The following TSPAN9 variants were observed in gnomAD, a reference collection of about 807,000 sequenced individuals.
TSPAN9 encodes tetraspanin 9.
In TSPAN9, 16 loss-of-function variants were observed where a neutral mutation model predicts 31.0. That is an observed-to-expected ratio of 0.52 (90% CI 0.35 to 0.78). TSPAN9 has a LOEUF of 0.78. Ranked by LOEUF, TSPAN9 falls within the 30% of genes least tolerant of loss-of-function variation. TSPAN9 has a pLI of 0.01. For synonymous variants in TSPAN9, 145 were observed against 121.6 expected, an observed-to-expected ratio of 1.19 and a Z score of -1.27; for missense variants, 272 against 312.5, an observed-to-expected ratio of 0.87 and a Z score of 0.98.
intron 2 of TSPAN9, among the ~76,000 whole-genome samples, chr12:3,177,497 A>G (rs1041616380): frequency 2.0e-5 from 3 of 151,988 alleles, no homozygotes; most frequent in East Asian, 1.9e-4. Context: ...CAGTGGCTCA[A>G]TCTTGGCTCA....
At chr12:3,225,604 A>T (rs1467577551) in intron 3 of TSPAN9, among the ~76,000 whole-genome samples, 1 of 152,018 alleles carries the variant, frequency 6.6e-6, no homozygotes, top group African/African-American at 2.4e-5. Flanking sequence ...TGGGAAGATG[A>T]GCAATGTACC....
rs1216919724 is a variant in TSPAN9, at chr12:3,198,772, C to T, written c.-17-2405C>T. 1.3e-3 allele frequency among the ~76,000 whole-genome samples: 93 copies of T among 71,800 alleles called. 5 individuals carry two copies. Among genetic ancestry groups the T allele is most frequent in the Middle Eastern group, 8.9e-3 (1 of 112 alleles). The allele number at this position is 71,800 out of a possible 152,430, so 47.1% of individuals were successfully genotyped here. On this transcript the variant is annotated intron_variant, in intron 2 of 8. Transcript: ENST00000011898. ...CAGCACAGCTCACCACCAGCACAGG[C>T]CACCACCAGCACAGGCCACCACCAG...
At chr12:3,092,483 C>T (rs904439408) in intron 2 of TSPAN9, among the ~76,000 whole-genome samples, 7 of 152,154 alleles carry the variant, frequency 4.6e-5, no homozygotes, top group African/African-American at 1.7e-4. Flanking sequence ...CCTCATAGTT[C>T]CCGAGGGCCC....
At chr12:3,098,040 G>C (rs1006078286) in intron 2 of TSPAN9, among the ~76,000 whole-genome samples, 1 of 152,224 alleles carries the variant, frequency 6.6e-6, no homozygotes, top group African/African-American at 2.4e-5. Flanking sequence ...CACCGATGCA[G>C]GACGTCGGCC....
chr12:3,214,166 T>C (rs2098380190), intron 3 of TSPAN9, among the ~76,000 whole-genome samples: 1 of 152,248 alleles, frequency 6.6e-6, no homozygotes, highest in Admixed American at 6.5e-5. Flanking sequence ...GAGGTCTCTC[T>C]GGGCCCTGAC....
chr12:3,243,296 C>G (rs1024776223), intron 3 of TSPAN9, among the ~76,000 whole-genome samples: 4 of 152,164 alleles, frequency 2.6e-5, no homozygotes, highest in African/African-American at 7.2e-5. Context: ...TGGAGTGTTT[C>G]TCATGGGCCG....
intron 3 of TSPAN9, among the ~76,000 whole-genome samples, chr12:3,251,685 C>G (rs1437844595): frequency 6.6e-6 from 1 of 152,210 alleles, no homozygotes; most frequent in Non-Finnish European, 1.5e-5. Flanking sequence ...GAGGGACACA[C>G]AGGACGGTGG....
chr12:3,126,928 G>A (rs1324912092), intron 2 of TSPAN9, among the ~76,000 whole-genome samples: 6 of 151,974 alleles, frequency 3.9e-5, no homozygotes, highest in Non-Finnish European at 2.9e-5. Context: ...ATTGACTCAT[G>A]GTTCTGCAGG....
chr12:3,216,519 A>G (rs1018749398), intron 3 of TSPAN9, among the ~76,000 whole-genome samples: 1 of 152,224 alleles, frequency 6.6e-6, no homozygotes, highest in Non-Finnish European at 1.5e-5. Context: ...CAAAGCACCC[A>G]AAGCTCTTCT....
At chr12:3,221,812 C>T (rs927044031) in intron 3 of TSPAN9, among the ~76,000 whole-genome samples, 20 of 152,160 alleles carry the variant, frequency 1.3e-4, no homozygotes, top group Admixed American at 2.6e-4. Context: ...TGTACCACCA[C>T]GCCCAGTGAA....
At chr12:3,245,142 C>T (rs554509610) in intron 3 of TSPAN9, among the ~76,000 whole-genome samples, 1 of 152,364 alleles carries the variant, frequency 6.6e-6, no homozygotes, top group East Asian at 1.9e-4. Context: ...CTCTGCTTCT[C>T]TCTGGCAGCG....
At chr12:3,220,588 G>A (rs2098383952) in intron 3 of TSPAN9, among the ~76,000 whole-genome samples, 1 of 152,240 alleles carries the variant, frequency 6.6e-6, no homozygotes, top group Non-Finnish European at 1.5e-5. Flanking sequence ...GGAGGCATGG[G>A]AGAGGTCTGC....
At chr12:3,171,409 T>C (rs2098351781) in intron 2 of TSPAN9, among the ~76,000 whole-genome samples, 1 of 152,126 alleles carries the variant, frequency 6.6e-6, no homozygotes, top group African/African-American at 2.4e-5. Context: ...CACTCTCTTC[T>C]CATGTTTTCC....
chr12:3,187,404 C>T lies in TSPAN9; in HGVS notation c.-17-13773C>T, dbSNP rs893627162. Among the ~76,000 whole-genome samples the T allele has an allele frequency of 3.9e-5, 6 of 152,224 alleles. No individual in the cohort carries two copies. Among genetic ancestry groups the T allele is most frequent in the South Asian group, 2.1e-4 (1 of 4,816 alleles). ...TGCCTTTGTGCAGGTGGCATGGGTA[C>T]GTGTATGTCCAGGAGTGGCCAGCTT... On this transcript the variant is annotated intron_variant, in intron 2 of 8. Transcript: ENST00000011898. This position sits in a 1 kb window ranked among gnomAD's most constrained non-coding sequence, Gnocchi z 5.2.
chr12:3,114,213 G>A (rs1201416259), intron 2 of TSPAN9, among the ~76,000 whole-genome samples: 2 of 152,328 alleles, frequency 1.3e-5, no homozygotes, highest in East Asian at 3.9e-4. Flanking sequence ...CAGACACTAC[G>A]TAAATGAATG....
intron 2 of TSPAN9, among the ~76,000 whole-genome samples, chr12:3,142,685 C>T (rs986813903): frequency 2.0e-5 from 3 of 152,134 alleles, no homozygotes; most frequent in Non-Finnish European, 4.4e-5. Flanking sequence ...TCCCTGCCCC[C>T]GGGTGCCTGC....
chr12:3,182,161 T>C (rs1261208246), intron 2 of TSPAN9, among the ~76,000 whole-genome samples: 1 of 152,094 alleles, frequency 6.6e-6, no homozygotes, highest in Non-Finnish European at 1.5e-5. Context: ...CAACCCTTTC[T>C]GAAAGGTGGG....
chr12:3,266,977 T>C (rs1321078995), intron 3 of TSPAN9, among the ~76,000 whole-genome samples: 1 of 152,158 alleles, frequency 6.6e-6, no homozygotes, highest in Non-Finnish European at 1.5e-5. Context: ...TGTTACTTGC[T>C]GAGCTAGAGC....
intron 3 of TSPAN9, among the ~76,000 whole-genome samples, chr12:3,237,255 A>G (rs951666737): frequency 2.0e-5 from 3 of 152,134 alleles, no homozygotes; most frequent in Admixed American, 6.5e-5. Context: ...CAGCGGCTCT[A>G]TAGGAAGCCC....
Sources: allele counts gnomAD v4.1 joint callset (sites outside exome capture counted in the v4.1 genomes callset), GRCh38; gene constraint gnomAD v4.1.1; non-coding constraint Gnocchi (gnomAD v3.1); transcripts MANE v1.5; gene names NCBI Gene and HGNC (gene_info 2026-07-23, HGNC 2026-07-21).